TTLL8: variants seen among roughly 807,000 people sequenced by gnomAD.
TTLL8 encodes protein monoglycylase TTLL8.
TTLL8 carries 65 observed loss-of-function variants against 77.8 expected under a neutral mutation model. The observed-to-expected ratio is 0.84, with a 90% CI of 0.68 to 1.03. The LOEUF is 1.03. Ranked by LOEUF, TTLL8 falls within the 50% of genes least tolerant of loss-of-function variation. The pLI is 0.00. For missense variants in TTLL8, 910 were observed against 1,004.5 expected (o/e 0.91, Z 1.27); for synonymous variants, 402 against 422.8 (o/e 0.95, Z 0.60).
chr22:50,030,974 G>C (rs1471539899), intron 11 of TTLL8, 49 bp from the exon 13 acceptor site: 1 of 1,293,104 alleles, frequency 7.7e-7, no homozygotes, highest in Admixed American at 2.3e-5. Flanking sequence ...CGGGATAGGG[G>C]GGGTCCCTGC....
At chr22:50,024,669 G>A (rs557761619) in intron 12 of TTLL8, among the ~76,000 whole-genome samples, 7 of 152,258 alleles carry the variant, frequency 4.6e-5, no homozygotes, top group South Asian at 4.1e-4. Flanking sequence ...ATACACAGAC[G>A]GGGTGATCTC....
intron 8 of TTLL8, among the ~76,000 whole-genome samples, chr22:50,035,645 G>A (rs1338417540): frequency 6.6e-6 from 1 of 152,070 alleles, no homozygotes; most frequent in Non-Finnish European, 1.5e-5. Context: ...CCAGCCCCCC[G>A]CGCCCCTGAA....
intron 2 of TTLL8, 65 bp downstream of exon 4, chr22:50,050,044 C>A: frequency 7.5e-7 from 1 of 1,331,914 alleles, no homozygotes; most frequent in Non-Finnish European, 9.9e-7. Context: ...AGGCCGGCGC[C>A]GACTCCTCCT....
chr22:50,041,893 G>C lies in TTLL8; in HGVS notation c.644-86C>G. On this transcript the variant is annotated intron_variant, in intron 6 of 13. Coordinates refer to ENST00000266182, the Ensembl canonical transcript of TTLL8. This position sits in a 1 kb window ranked among gnomAD's most constrained non-coding sequence, Gnocchi z 4.3. ...TCGAGGGGTGATGTCTAAAGTCATG[G>C]ACAAAGGCTGCTCCACTCCCTCTGT... is the stretch of plus-strand genomic sequence containing the variant. 8.5e-7 allele frequency: 1 copy of C among 1,180,516 alleles called. No homozygotes were observed. Among genetic ancestry groups the C allele is most frequent in the East Asian group, 5.9e-5 (1 of 17,074 alleles). The allele number at this position is 1,180,516 out of a possible 1,614,324, so 73.1% of individuals were successfully genotyped here.
intron 12 of TTLL8, among the ~76,000 whole-genome samples, chr22:50,020,585 T>G (rs1164578929): frequency 7.3e-6 from 1 of 137,042 alleles, no homozygotes; most frequent in African/African-American, 2.7e-5. Flanking sequence ...CGTGCACTCC[T>G]CCATTTGACG....
upstream of TTLL8, chr22:50,054,716 G>C (rs2061461939): frequency 1.1e-5 from 2 of 176,106 alleles, no homozygotes. Flanking sequence ...CCACCCCTTG[G>C]TGGGAGGCAG....
Position 50,045,381 on chromosome 22 carries a change from GGAAGTCTTCT to G in TTLL8, c.509-2_516del. Reference sequence around the variant, plus strand: ...AGGATGCTGGATGCCATGGTGCGCCGGAAGTCTTCTGAAAGGACAGCACAGCCTCGCCCTA... The same window carrying G: ...AGGATGCTGGATGCCATGGTGCGCCGGAAAGGACAGCACAGCCTCGCCCTA... On this transcript the variant is annotated splice_acceptor_variant and coding_sequence_variant, in exon 6 of 14. Coordinates refer to ENST00000266182, the Ensembl canonical transcript of TTLL8. LOFTEE classifies it high-confidence loss of function. 7.3e-7 allele frequency: 1 copy of G among 1,365,676 alleles called. No homozygotes were observed. Among genetic ancestry groups the G allele is most frequent in the Non-Finnish European group, 9.8e-7 (1 of 1,021,828 alleles). 84.6% of individuals were successfully genotyped at this position (1,365,676 alleles called of 1,614,324 possible).
chr22:50,036,028 T>C (rs2061333891), intron 8 of TTLL8, among the ~76,000 whole-genome samples: 1 of 152,156 alleles, frequency 6.6e-6, no homozygotes, highest in Admixed American at 6.5e-5. Context: ...GCTGGCAAAG[T>C]CCAGGAACCA....
chr22:50,052,320 A>G (rs951436934), intron 1 of TTLL8, among the ~76,000 whole-genome samples: 1 of 152,210 alleles, frequency 6.6e-6, no homozygotes, highest in Non-Finnish European at 1.5e-5. Context: ...CAAACTGAGT[A>G]ACTTTAGAAA....
intron 1 of TTLL8, among the ~76,000 whole-genome samples, chr22:50,050,677 TA>T (rs1171612476): frequency 6.6e-6 from 1 of 152,026 alleles, no homozygotes; most frequent in Non-Finnish European, 1.5e-5. Flanking sequence ...CCCTAGGAGT[TA>T]AAAAAAGTAA....
Position 50,030,615 on chromosome 22 carries a change from C to T in TTLL8, c.2018G>A (p.Gly673Glu), listed in dbSNP as rs769927529. 2.3e-6 allele frequency: 3 copies of T among 1,295,068 alleles called. No individual in the cohort carries two copies. The Admixed American group carries it at 7.0e-5, about 30-fold the overall frequency. 80.2% of individuals were successfully genotyped at this position (1,295,068 alleles called of 1,614,324 possible). Reference sequence around the variant, plus strand: ...GGGGCAGGCCGGGAGCTCCACCTTCCCAGCAGCTTTGGTGCGGGTGGGCTG... The same window carrying T: ...GGGGCAGGCCGGGAGCTCCACCTTCTCAGCAGCTTTGGTGCGGGTGGGCTG... Residue 673 changes from glycine to glutamate, a missense_variant, in exon 12 of 14, where the codon GGG becomes GAG. Transcript: ENST00000266182.
intron 12 of TTLL8, among the ~76,000 whole-genome samples, chr22:50,022,648 A>G (rs1172671350): frequency 6.6e-6 from 1 of 152,252 alleles, no homozygotes; most frequent in Non-Finnish European, 1.5e-5. Context: ...GCACTCCTCC[A>G]TCTGACGATG....
chr22:50,043,225 C>T (rs200650593), intron 6 of TTLL8, among the ~76,000 whole-genome samples: 6 of 136,662 alleles, frequency 4.4e-5, no homozygotes, highest in South Asian at 2.5e-4. Flanking sequence ...GCCGACATGT[C>T]CTTCAGTAGA....
At chr22:50,023,242 G>T (rs11913392) in intron 12 of TTLL8, among the ~76,000 whole-genome samples, 54 of 152,178 alleles carry the variant, frequency 3.5e-4, no homozygotes, top group African/African-American at 1.3e-3. Flanking sequence ...CAATAATATT[G>T]CTTGGAGAAA....
chr22:50,030,829 G>T, exon 12 of TTLL8: 1 of 1,345,214 alleles, frequency 7.4e-7, no homozygotes, highest in East Asian at 4.8e-5. Context: ...GAGGCCTTGA[G>T]GTTGCAGACG....
chr22:50,045,905 G>T, exon 5 of TTLL8: 1 of 1,361,868 alleles, frequency 7.3e-7, no homozygotes. Flanking sequence ...AGCAGCGTGG[G>T]AAGAAGGAGT....
chr22:50,054,189 C>T (rs1383868889), intron 1 of TTLL8, among the ~76,000 whole-genome samples: 2 of 152,144 alleles, frequency 1.3e-5, no homozygotes, highest in Non-Finnish European at 2.9e-5. Flanking sequence ...TGTGGTCAGG[C>T]CTTCTGAGCA....
chr22:50,029,280 CACACA>C (rs2061263327), intron 12 of TTLL8, among the ~76,000 whole-genome samples: 1 of 72,838 alleles, frequency 1.4e-5, no homozygotes, highest in Non-Finnish European at 2.7e-5. Flanking sequence ...CTGAAGACCC[CACACA>C]CCCTCGTAAA....
chr22:50,021,002 C>CGAT (rs2061194284), intron 12 of TTLL8, among the ~76,000 whole-genome samples: 1 of 143,174 alleles, frequency 7.0e-6, no homozygotes, highest in African/African-American at 2.6e-5. Context: ...CTCCATCTGA[C>CGAT]GTGCACTCCT....
Sources: allele counts gnomAD v4.1 joint callset (sites outside exome capture counted in the v4.1 genomes callset), GRCh38; gene constraint gnomAD v4.1.1; non-coding constraint Gnocchi (gnomAD v3.1); transcripts MANE v1.5; gene names NCBI Gene and HGNC (gene_info 2026-07-23, HGNC 2026-07-21).